SCARA5: variants seen among roughly 807,000 people sequenced by gnomAD.
The protein encoded by SCARA5 is scavenger receptor class A, member 5 (putative).
In SCARA5, 45 loss-of-function variants were observed where a neutral mutation model predicts 46.3. The ratio of observed to expected loss-of-function variants is 0.97; its 90% CI spans 0.76 to 1.24. The LOEUF (loss-of-function observed/expected upper bound fraction) is 1.24. Among genes scored for constraint, SCARA5 ranks in the 50% most tolerant of loss-of-function variants. The pLI is 0.00. For missense variants in SCARA5, 680 were observed against 689.0 expected (o/e 0.99, Z 0.15); for synonymous variants, 333 against 306.5 (o/e 1.09, Z -0.90).
At chr8:27,934,226 T>C (rs1807820814) in intron 3 of SCARA5, among the ~76,000 whole-genome samples, 1 of 152,070 alleles carries the variant, frequency 6.6e-6, no homozygotes, top group South Asian at 2.1e-4. Context: ...GAGGACCAGC[T>C]GGGGATAGGG....
chr8:27,987,888 G>C (rs558065426), intron 1 of SCARA5, among the ~76,000 whole-genome samples: 73 of 152,292 alleles, frequency 4.8e-4, no homozygotes, highest in African/African-American at 1.4e-3. Flanking sequence ...ATGGTGGGAT[G>C]TGTCCATTCC....
chr8:27,907,705 G>A (rs578138581), intron 5 of SCARA5, among the ~76,000 whole-genome samples: 59 of 151,648 alleles, frequency 3.9e-4, no homozygotes, highest in Admixed American at 3.9e-3. Flanking sequence ...GAGTAACTGG[G>A]ATTACAGGCA....
At chr8:27,958,968 C>T (rs1373586227) in intron 3 of SCARA5, among the ~76,000 whole-genome samples, 5 of 152,186 alleles carry the variant, frequency 3.3e-5, no homozygotes, top group Admixed American at 6.5e-5. Flanking sequence ...CGCGGTGGCT[C>T]ATGCCTGCAA....
At chr8:27,941,805 T>TTAC (rs1407731018) in intron 3 of SCARA5, among the ~76,000 whole-genome samples, 1 of 132,850 alleles carries the variant, frequency 7.5e-6, no homozygotes, top group Non-Finnish European at 1.6e-5. Context: ...ATCATCATTA[T>TTAC]TATTATTATT....
Position 27,978,508 on chromosome 8 carries a change from T to C in SCARA5, c.112+8996A>G, listed in dbSNP as rs562257067. Reference sequence around the variant, plus strand: ...TATAAGTGCCATGGCTCATCTTATTTATTTATTTATTTATTTATTTTGAGA... The same window carrying C: ...TATAAGTGCCATGGCTCATCTTATTCATTTATTTATTTATTTATTTTGAGA... On this transcript the variant is annotated intron_variant, in intron 2 of 8. Coordinates refer to ENST00000354914, the MANE Select transcript of SCARA5 (RefSeq NM_173833.6). Among the ~76,000 whole-genome samples, 45 of 152,062 alleles carry C rather than the reference T, an allele frequency of 3.0e-4. No homozygotes were observed. The East Asian group carries it at 5.8e-3, about 20-fold the overall frequency.
chr8:27,945,566 A>C (rs1808022800), intron 3 of SCARA5, among the ~76,000 whole-genome samples: 1 of 152,240 alleles, frequency 6.6e-6, no homozygotes, highest in South Asian at 2.1e-4. Flanking sequence ...AGATTTATGA[A>C]GCATACAGGT....
At chr8:27,882,054 T>C (rs1806821098) in intron 7 of SCARA5, among the ~76,000 whole-genome samples, 1 of 152,212 alleles carries the variant, frequency 6.6e-6, no homozygotes, top group Non-Finnish European at 1.5e-5. Context: ...CCCTCCTCCC[T>C]ACCCCTGGCA....
chr8:27,917,511 A>G (rs1282558753), intron 4 of SCARA5, among the ~76,000 whole-genome samples: 1 of 152,210 alleles, frequency 6.6e-6, no homozygotes. Context: ...TCCTCTCTTC[A>G]CTGCTTACAG....
intron 3 of SCARA5, among the ~76,000 whole-genome samples, chr8:27,950,790 G>A (rs1316334160): frequency 6.6e-6 from 1 of 150,820 alleles, no homozygotes; most frequent in Non-Finnish European, 1.5e-5. Context: ...TTCCTTGAGC[G>A]TATATTAACA....
At chr8:27,888,819 C>G (rs1806937353) in intron 7 of SCARA5, among the ~76,000 whole-genome samples, 1 of 152,212 alleles carries the variant, frequency 6.6e-6, no homozygotes, top group African/African-American at 2.4e-5. Context: ...GCATCCCTGC[C>G]TGGTTTCACT....
At chr8:27,958,100 G>A (rs573624618) in intron 3 of SCARA5, among the ~76,000 whole-genome samples, 223 of 152,332 alleles carry the variant, frequency 1.5e-3, no homozygotes, top group African/African-American at 5.3e-3. Flanking sequence ...TGGGTGCTCT[G>A]CAGTGTCCTG....
intron 7 of SCARA5, 134 bp downstream of exon 7, chr8:27,904,644 G>C (rs985953630): frequency 9.2e-5 from 76 of 828,430 alleles, no homozygotes; most frequent in Non-Finnish European, 1.3e-4. Context: ...CCTAAAAAAG[G>C]TAGGGAGCCT....
chr8:27,960,399 AC>A (rs1439562741), intron 3 of SCARA5, among the ~76,000 whole-genome samples: 12 of 152,176 alleles, frequency 7.9e-5, no homozygotes, highest in African/African-American at 2.9e-4. Flanking sequence ...CTCATCTCAA[AC>A]TTTTAGGCTC....
intron 3 of SCARA5, among the ~76,000 whole-genome samples, chr8:27,941,866 A>T (rs1195133008): frequency 1.3e-5 from 2 of 150,458 alleles, no homozygotes; most frequent in African/African-American, 2.4e-5. Context: ...TTACTCTGTC[A>T]CCCAGGCTGG....
At chr8:27,894,106 G>A (rs895200760) in intron 7 of SCARA5, among the ~76,000 whole-genome samples, 7 of 152,238 alleles carry the variant, frequency 4.6e-5, no homozygotes, top group African/African-American at 9.6e-5. Context: ...AGGTCCCGTC[G>A]TGCACAGGCT....
At chr8:27,909,464 G>A (rs1443091835) in intron 5 of SCARA5, among the ~76,000 whole-genome samples, 199 bp downstream of exon 5, 1 of 152,174 alleles carries the variant, frequency 6.6e-6, no homozygotes. Flanking sequence ...TCAGACTGTG[G>A]CACTTGCTAA....
intron 3 of SCARA5, among the ~76,000 whole-genome samples, chr8:27,956,048 T>C (rs1214717227): frequency 6.6e-6 from 1 of 152,122 alleles, no homozygotes; most frequent in East Asian, 1.9e-4. Flanking sequence ...GTTTGTTAAA[T>C]AACCAAGTGG....
intron 3 of SCARA5, among the ~76,000 whole-genome samples, chr8:27,941,135 T>C (rs1425025473): frequency 1.3e-5 from 2 of 152,150 alleles, no homozygotes; most frequent in East Asian, 1.9e-4. Flanking sequence ...ATATTTACCA[T>C]GTTTCAAAAG....
At chr8:27,978,024 G>GTTTTTTTTTTTTTTTTTTTTTT in intron 2 of SCARA5, among the ~76,000 whole-genome samples, 1 of 106,636 alleles carries the variant, frequency 9.4e-6, no homozygotes, top group Non-Finnish European at 1.9e-5. Flanking sequence ...TGTGTCTTTT[G>GTTTTTTTTTTTTTTTTTTTTTT]TTTTTTTTTT....
Sources: allele counts gnomAD v4.1 joint callset (sites outside exome capture counted in the v4.1 genomes callset), GRCh38; gene constraint gnomAD v4.1.1; transcripts MANE v1.5; gene names NCBI Gene and HGNC (gene_info 2026-07-23, HGNC 2026-07-21).